The following PYROXD1 variants were observed in gnomAD, a reference collection of about 807,000 sequenced individuals.
The protein encoded by PYROXD1 is pyridine nucleotide-disulphide oxidoreductase domain 1.
A neutral mutation model predicts 62.0 loss-of-function variants in PYROXD1; 42 were observed. The observed-to-expected ratio is 0.68, with a 90% confidence interval of 0.53 to 0.88. The LOEUF (loss-of-function observed/expected upper bound fraction) is 0.88, where lower values mean the gene tolerates loss of function less well. PYROXD1 is among the 40% of genes least tolerant of loss of function. PYROXD1 has a pLI of 0.00. For missense variants in PYROXD1, 493 were observed against 604.8 expected (o/e 0.82, Z 1.94); for synonymous variants, 170 against 206.4 (o/e 0.82, Z 1.51).
chr12:21,447,993 A>AC (rs1186641723), intron 3 of PYROXD1: 7 of 363,570 alleles, frequency 1.9e-5, no homozygotes, highest in Admixed American at 1.9e-4. Context: ...AAAAAAAAAA[A>AC]AACACATGCG....
At position 21,447,006 on chromosome 12, in the gene PYROXD1, C is replaced by T. The variant is rs77392592; in HGVS notation, c.285+1540C>T. Among the ~76,000 whole-genome samples the T allele has an allele frequency of 5.9e-5, 9 of 152,054 alleles. No individual in the cohort carries two copies. In the South Asian group the frequency reaches 1.9e-3, roughly 32 times the overall value. ...GGACAATGTAGTTGTAAAAAATATC[C>T]CAGATTTGAGTGAGATTTCTGCTAT... On this transcript the variant is annotated intron_variant, in intron 3 of 11. Coordinates refer to ENST00000240651, the MANE Select transcript of PYROXD1 (RefSeq NM_024854.5).
In PYROXD1 at chr12:21,468,535, G is replaced by A; in HGVS notation, c.1284G>A (p.Gln428=). Residue 428 remains glutamine (Q), a synonymous_variant, in exon 12 of 12, where the codon CAG becomes CAA. Transcript: ENST00000240651. ...KVVLLGKYNA[Q]GLGSDHELML... is the part of the protein sequence containing the mutation. ...TACTGCTGGGAAAATACAATGCACA[G>A]GGCTTAGGTTCAGATCATGAATTAA... The A allele has an allele frequency of 6.2e-7, 1 of 1,612,654 alleles. No individual in the cohort carries two copies. Among genetic ancestry groups the A allele is most frequent in the East Asian group, 2.2e-5 (1 of 44,792 alleles).
At chr12:21,467,664 A>T (rs936587119) in intron 11 of PYROXD1, 46 bp downstream of exon 11, 9 of 1,369,038 alleles carry the variant, frequency 6.6e-6, no homozygotes, top group African/African-American at 1.5e-5. Context: ...TGTTAGTCTT[A>T]TGACTATGAT....
chr12:21,460,259 C>G (rs1044825863), intron 7 of PYROXD1, among the ~76,000 whole-genome samples: 1 of 151,962 alleles, frequency 6.6e-6, no homozygotes, highest in Non-Finnish European at 1.5e-5. Flanking sequence ...CTGAGAACTT[C>G]AACAGTTTAA....
At chr12:21,465,165 A>C (rs1330417797) in intron 10 of PYROXD1, among the ~76,000 whole-genome samples, 2 of 152,200 alleles carry the variant, frequency 1.3e-5, no homozygotes, top group Non-Finnish European at 2.9e-5. Context: ...CATGATTTAT[A>C]ATCCTTTGGG....
rs1209698606 is a variant in PYROXD1, at chr12:21,469,582, C to CT, written c.*829dup. ...GGTTATGTCAAAAGAAAAAATATAG[C>CT]TAAGTATATAAAGGCATAAAAAACT... On this transcript the variant is annotated 3_prime_UTR_variant, in exon 12 of 12. Transcript: ENST00000240651. 20 of 151,058 alleles carry CT rather than the reference C, an allele frequency of 1.3e-4. No homozygotes were observed. Among genetic ancestry groups the CT allele is most frequent in the African/African-American group, 4.6e-4 (19 of 40,980 alleles). 9.4% of individuals were successfully genotyped at this position (151,058 alleles called of 1,614,324 possible). A position where few individuals can be genotyped will look rare whatever the true frequency, so the allele number is the denominator to read the frequency against.
intron 10 of PYROXD1, among the ~76,000 whole-genome samples, chr12:21,466,609 C>G (rs944340620): frequency 5.9e-5 from 9 of 152,172 alleles, no homozygotes; most frequent in African/African-American, 2.2e-4. Flanking sequence ...CATCTGCAAA[C>G]AGGGACAATT....
At chr12:21,454,288 G>A (rs1056703961) in intron 5 of PYROXD1, among the ~76,000 whole-genome samples, 6 of 152,010 alleles carry the variant, frequency 3.9e-5, no homozygotes, top group African/African-American at 1.2e-4. Context: ...TATTAGTATC[G>A]CAAGTTTAGA....
At chr12:21,463,692 C>CAAAA (rs11325981) in intron 10 of PYROXD1, among the ~76,000 whole-genome samples, 20,702 of 135,684 alleles carry the variant, frequency 0.15, 1,858 homozygotes, top group Middle Eastern at 0.25. Context: ...AACTCTGTCT[C>CAAAA]AAAAAAAAAA....
At chr12:21,464,799 A>G (rs1942762115) in intron 10 of PYROXD1, among the ~76,000 whole-genome samples, 1 of 151,868 alleles carries the variant, frequency 6.6e-6, no homozygotes, top group South Asian at 2.1e-4. Flanking sequence ...ATATGTATAC[A>G]TGTGCCATGT....
At chr12:21,449,858 CTT>C (rs71537701) in intron 4 of PYROXD1, among the ~76,000 whole-genome samples, 167 bp downstream of exon 4, 5 of 147,364 alleles carry the variant, frequency 3.4e-5, no homozygotes, top group Admixed American at 6.8e-5. Context: ...AATTTTCTTT[CTT>C]TTTTTTTTTT....
chr12:21,446,778 G>A (rs1396447623), intron 3 of PYROXD1, among the ~76,000 whole-genome samples: 1 of 152,018 alleles, frequency 6.6e-6, no homozygotes, highest in East Asian at 1.9e-4. Context: ...AATCAGGCAT[G>A]GTGGCGTGCA....
chr12:21,454,030 A>G (rs993015461), intron 5 of PYROXD1, among the ~76,000 whole-genome samples: 1 of 152,012 alleles, frequency 6.6e-6, no homozygotes, highest in Non-Finnish European at 1.5e-5. Context: ...ATGTTTACTG[A>G]CATAGAAGAG....
intron 2 of PYROXD1, among the ~76,000 whole-genome samples, chr12:21,442,909 T>C (rs922900214): frequency 3.9e-5 from 6 of 152,220 alleles, no homozygotes; most frequent in African/African-American, 1.4e-4. Context: ...ATTGATTCTT[T>C]TATGTGGTTA....
At chr12:21,456,309 G>T (rs547087057) in intron 7 of PYROXD1, among the ~76,000 whole-genome samples, 5 of 152,128 alleles carry the variant, frequency 3.3e-5, no homozygotes, top group African/African-American at 1.2e-4. Flanking sequence ...CTCAGCCTAC[G>T]TTTTAACTCT....
intron 2 of PYROXD1, among the ~76,000 whole-genome samples, chr12:21,443,517 T>C (rs1444455729): frequency 6.6e-6 from 1 of 151,620 alleles, no homozygotes; most frequent in African/African-American, 2.4e-5. Flanking sequence ...ATCTCCAAAC[T>C]TTTTTTTTCC....
At chr12:21,445,303 A>G (rs1316760229) in intron 2 of PYROXD1, 44 bp from the exon 3 acceptor site, 7 of 1,474,780 alleles carry the variant, frequency 4.7e-6, no homozygotes, top group Non-Finnish European at 6.3e-6. Context: ...CTTGAAAGAA[A>G]ATACTTTAAA....
chr12:21,448,004 T>G, intron 3 of PYROXD1: 1 of 387,260 alleles, frequency 2.6e-6, no homozygotes. Flanking sequence ...AACACATGCG[T>G]ACTTTTGATA....
chr12:21,464,773 C>T (rs915797884), intron 10 of PYROXD1, among the ~76,000 whole-genome samples: 15 of 151,210 alleles, frequency 9.9e-5, no homozygotes, highest in African/African-American at 3.4e-4. Flanking sequence ...ATGTACACAA[C>T]GTGCAAGTTT....
Sources: gnomAD v4.1 joint callset for allele counts (sites outside exome capture counted in the v4.1 genomes callset) on GRCh38, gnomAD v4.1.1 for gene constraint, MANE v1.5 for transcripts, NCBI Gene and HGNC (gene_info 2026-07-23, HGNC 2026-07-21) for gene names.